The following ZNF81 variants were observed in gnomAD, a reference collection of about 807,000 sequenced individuals.
ZNF81 encodes zinc finger protein 81 (HFZ20).
In ZNF81, 5 loss-of-function variants were observed where a neutral mutation model predicts 32.3. That is an observed-to-expected ratio of 0.15 (90% CI 0.08 to 0.33). The LOEUF (loss-of-function observed/expected upper bound fraction) is 0.33. Ranked by LOEUF, ZNF81 falls within the 10% of genes least tolerant of loss-of-function variation. The pLI, the probability that ZNF81 is intolerant of heterozygous loss-of-function variation, is 1.00. For missense variants in ZNF81, 379 were observed against 479.8 expected (o/e 0.79, Z 1.96); for synonymous variants, 163 against 166.8 (o/e 0.98, Z 0.17).
At chrX:47,848,044 A>G (rs1556880744) in intron 2 of ZNF81, among the ~76,000 whole-genome samples, 1 of 110,043 alleles carries the variant, frequency 9.1e-6, no homozygotes, top group Non-Finnish European at 1.9e-5. Flanking sequence ...CCTCCCGACT[A>G]GCTGGGACTA....
At chrX:47,853,045 T>A (rs1172620567) in intron 2 of ZNF81, among the ~76,000 whole-genome samples, 2 of 112,589 alleles carry the variant, frequency 1.8e-5, no homozygotes, top group Non-Finnish European at 3.7e-5. Flanking sequence ...GGTGACCAGG[T>A]GCATTGTCAG....
Position 47,923,573 on chromosome X carries a change from T to G in ZNF81, c.*6941T>G, listed in dbSNP as rs1556892307. On this transcript the variant is annotated 3_prime_UTR_variant, in exon 5 of 5. Coordinates refer to ENST00000338637, the MANE Select transcript of ZNF81 (RefSeq NM_007137.5). The stretch of plus-strand genomic sequence containing the variant: ...GTTCTTGATTTTATGACACAGAGGT[T>G]GTTGTTGGCTTTGATGAATGCTATT... Among the ~76,000 whole-genome samples the G allele has an allele frequency of 8.9e-6, 1 of 111,812 alleles. No homozygotes were observed. The highest frequency in any genetic ancestry group is 3.3e-5 in the African/African-American group (1 of 30,680).
intron 4 of ZNF81, among the ~76,000 whole-genome samples, chrX:47,908,380 A>G (rs888845559): frequency 1.1e-4 from 12 of 111,773 alleles, no homozygotes; most frequent in African/African-American, 3.9e-4. Context: ...TTTAAGACTG[A>G]CAATTATCAA....
intron 4 of ZNF81, among the ~76,000 whole-genome samples, chrX:47,914,415 A>G (rs1556890298): frequency 8.9e-6 from 1 of 112,235 alleles, no homozygotes; most frequent in Non-Finnish European, 1.9e-5. Context: ...TATCACCTAC[A>G]TACATCATGG....
rs1556892319 is a variant in ZNF81 at position 47,923,739 on chromosome X, A to G, written c.*7107A>G. On this transcript the variant is annotated 3_prime_UTR_variant, in exon 5 of 5. Coordinates refer to ENST00000338637, the MANE Select transcript of ZNF81 (RefSeq NM_007137.5). ...TAGATTATTCTGTCGTTTGGGTTAT[A>G]CTGAGAAATAAGAGTTGGCTAAAGT... Among the ~76,000 whole-genome samples the G allele has an allele frequency of 8.9e-6, 1 of 112,089 alleles. No homozygotes were observed. The highest frequency in any genetic ancestry group is 1.9e-5 in the Non-Finnish European group (1 of 53,221).
intron 4 of ZNF81, among the ~76,000 whole-genome samples, chrX:47,906,817 A>G (rs1556889235): frequency 8.9e-6 from 1 of 112,802 alleles, no homozygotes; most frequent in Admixed American, 9.4e-5. Context: ...ACTCCACCTC[A>G]AAAAATAAAA....
At chrX:47,874,824 C>T (rs2058593509) in intron 2 of ZNF81, among the ~76,000 whole-genome samples, 2 of 112,024 alleles carry the variant, frequency 1.8e-5, no homozygotes, top group Non-Finnish European at 3.8e-5. Flanking sequence ...AGTCTTGTAT[C>T]TCAGTTATTC....
intron 2 of ZNF81, among the ~76,000 whole-genome samples, chrX:47,876,548 G>A (rs1205882412): frequency 8.9e-6 from 1 of 112,150 alleles, no homozygotes; most frequent in African/African-American, 3.2e-5. Flanking sequence ...AGAGCAGTCC[G>A]GGCCTTGCTG....
In ZNF81 at chrX:47,915,472, T is replaced by C. The variant is rs782065355; in HGVS notation, c.826T>C (p.Cys276Arg). 4.1e-6 allele frequency: 5 copies of C among 1,211,446 alleles called. No individual in the cohort carries two copies. The East Asian group carries it at 1.2e-4, about 29-fold the overall frequency. Reference sequence around the variant, plus strand: ...TCCCATTGGAGAGAAAGCAAACACATGTACTGAATTTGGGAAGATCTTCAC... The same window carrying C: ...TCCCATTGGAGAGAAAGCAAACACACGTACTGAATTTGGGAAGATCTTCAC... ...KFPIGEKANT[C>R]TEFGKIFTQR... The change falls in exon 5 of 5, where the codon TGT becomes CGT. Residue 276 changes from cysteine (C) to arginine (R), a missense_variant. Around this residue, in one of 2 missense-constraint regions of ZNF81, gnomAD observed 277 missense variants for 306.6 expected, o/e 0.90. Coordinates refer to ENST00000338637, the MANE Select transcript of ZNF81 (RefSeq NM_007137.5).
Position 47,841,481 on chromosome X carries a change from A to G in ZNF81, c.-164+4494A>G, listed in dbSNP as rs782301052. ...TGGCAATTCCAAGGCATGAGGTTTC[A>G]CTTCTAGTCGTCTGAGACGCACCTT... is the stretch of plus-strand genomic sequence containing the variant. On this transcript the variant is annotated intron_variant, in intron 1 of 4. Transcript: ENST00000338637. 4.3e-5 allele frequency: 45 copies of G among 1,042,493 alleles called. No individual in the cohort carries two copies. The South Asian group carries it at 8.0e-4, about 19-fold the overall frequency. The allele number at this position is 1,042,493 out of a possible 1,213,427, so 85.9% of individuals were successfully genotyped here.
chrX:47,882,522 T>G (rs2058625101), intron 2 of ZNF81, among the ~76,000 whole-genome samples: 1 of 112,662 alleles, frequency 8.9e-6, no homozygotes, highest in Non-Finnish European at 1.9e-5. Context: ...GTGTAGACAT[T>G]CATGTGTTGA....
At position 47,915,168 on chromosome X, in the gene ZNF81, A is replaced by G. The variant is rs2058751734; in HGVS notation, c.522A>G (p.Lys174=). 2 of 1,198,675 alleles carry G rather than the reference A, an allele frequency of 1.7e-6. No individual in the cohort carries two copies. The highest frequency in any genetic ancestry group is 2.3e-5 in the Admixed American group (1 of 43,580). Residue 174 remains lysine, a synonymous_variant, in exon 5 of 5, where the codon AAA becomes AAG. Transcript: ENST00000338637. ...EWDYEYKDFG[K]FVHPSPNLIL... ...ATTATGAATATAAAGACTTTGGAAA[A>G]TTTGTTCATCCAAGCCCAAATCTCA...
chrX:47,888,355 C>T (rs1556886111), intron 3 of ZNF81: 2 of 441,270 alleles, frequency 4.5e-6, no homozygotes, highest in Admixed American at 4.0e-5. Flanking sequence ...GACACATATA[C>T]ACATACGCAC....
At chrX:47,846,781 G>A (rs1556880578) in intron 2 of ZNF81, among the ~76,000 whole-genome samples, 1 of 111,658 alleles carries the variant, frequency 9.0e-6, no homozygotes, top group African/African-American at 3.3e-5. Flanking sequence ...AATGTTTTGG[G>A]TGTTATCTAT....
chrX:47,893,518 A>T (rs1556886741), intron 3 of ZNF81, among the ~76,000 whole-genome samples: 3 of 111,045 alleles, frequency 2.7e-5, no homozygotes, highest in Admixed American at 1.9e-4. Flanking sequence ...TTTTTAACTA[A>T]TAGTACTTTT....
Position 47,918,152 on chromosome X carries a change from A to T in ZNF81, c.*1520A>T, listed in dbSNP as rs1330656290. 1 of 110,908 alleles carries T rather than the reference A, an allele frequency of 9.0e-6. No homozygotes were observed. Among genetic ancestry groups the T allele is most frequent in the Non-Finnish European group, 1.9e-5 (1 of 53,064 alleles). The allele number at this position is 110,908 out of a possible 1,213,427, so 9.1% of individuals were successfully genotyped here. On this transcript the variant is annotated 3_prime_UTR_variant, in exon 5 of 5. Coordinates refer to ENST00000338637, the MANE Select transcript of ZNF81 (RefSeq NM_007137.5). ...ATACGATACAGAAAGAGAGAAATGA[A>T]CTAAAGAAATAACTGTTTCTTTGGC... is the stretch of plus-strand genomic sequence containing the variant.
intron 2 of ZNF81, among the ~76,000 whole-genome samples, chrX:47,855,462 A>G (rs1174725359): frequency 9.0e-6 from 1 of 111,084 alleles, no homozygotes; most frequent in East Asian, 2.8e-4. Flanking sequence ...CTCTGAGTAT[A>G]TTGGGTATAT....
In ZNF81 at chrX:47,846,124, G is replaced by A. The variant is rs1453601235; in HGVS notation, c.-144G>A. 1 of 655,604 alleles carries A rather than the reference G, an allele frequency of 1.5e-6. No homozygotes were observed. Among genetic ancestry groups the A allele is most frequent in the African/African-American group, 2.2e-5 (1 of 45,844 alleles). 54.0% of individuals were successfully genotyped at this position (655,604 alleles called of 1,213,427 possible). Reference sequence around the variant, plus strand: ...TTCCAGAGTTCTTGGAGTCTCTGCGGAGTCCCTGGGCCAGATCTCACAGTG... The same window carrying A: ...TTCCAGAGTTCTTGGAGTCTCTGCGAAGTCCCTGGGCCAGATCTCACAGTG... On this transcript the variant is annotated 5_prime_UTR_variant, in exon 2 of 5. Transcript: ENST00000338637.
chrX:47,876,195 A>G (rs1314072771), intron 2 of ZNF81, among the ~76,000 whole-genome samples: 11 of 112,789 alleles, frequency 9.8e-5, no homozygotes, highest in Middle Eastern at 4.6e-3. Context: ...TGTAATGCTG[A>G]CAAAAAACTT....
Sources: gnomAD v4.1 joint callset for allele counts (sites outside exome capture counted in the v4.1 genomes callset) on GRCh38, gnomAD v4.1.1 for gene constraint, gnomAD v4.1.1 regional missense constraint, MANE v1.5 for transcripts, NCBI Gene and HGNC (gene_info 2026-07-23, HGNC 2026-07-21) for gene names.